COP1: variants seen among roughly 807,000 people sequenced by gnomAD.
The protein encoded by COP1 is COP1 E3 ubiquitin ligase.
COP1 carries 24 observed loss-of-function variants against 101.3 expected under a neutral mutation model. The observed-to-expected ratio is 0.24, with a 90% CI of 0.17 to 0.33. The LOEUF is 0.33. Ranked by LOEUF, COP1 falls within the 10% of genes least tolerant of loss-of-function variation. The pLI, the probability that COP1 is intolerant of heterozygous loss-of-function variation, is 1.00. For missense variants in COP1, 663 were observed against 906.2 expected (o/e 0.73, Z 3.45); for synonymous variants, 347 against 341.9 (o/e 1.01, Z -0.17).
chr1:176,114,223 T>C (rs1278595000), intron 9 of COP1, among the ~76,000 whole-genome samples: 3 of 152,324 alleles, frequency 2.0e-5, no homozygotes, highest in East Asian at 1.9e-4. Context: ...TATTCCATTA[T>C]GTCTTACAAA....
intron 7 of COP1, among the ~76,000 whole-genome samples, chr1:176,136,147 T>C (rs1572453890): frequency 6.6e-6 from 1 of 151,938 alleles, no homozygotes; most frequent in Non-Finnish European, 1.5e-5. Flanking sequence ...ATGCACAGAG[T>C]AGGTATGTAA....
chr1:176,117,809 C>T (rs1686460062), intron 8 of COP1, among the ~76,000 whole-genome samples: 1 of 152,100 alleles, frequency 6.6e-6, no homozygotes, highest in African/African-American at 2.4e-5. Flanking sequence ...GCAGGAGAAT[C>T]ACTTGAACTT....
At chr1:176,032,214 A>G (rs1328233929) in intron 14 of COP1, among the ~76,000 whole-genome samples, 1 of 152,202 alleles carries the variant, frequency 6.6e-6, no homozygotes, top group Non-Finnish European at 1.5e-5. Flanking sequence ...AGTTACCCAT[A>G]TGAGTAAAAA....
intron 2 of COP1, among the ~76,000 whole-genome samples, chr1:176,184,273 C>G (rs1698170044): frequency 6.6e-6 from 1 of 152,114 alleles, no homozygotes; most frequent in African/African-American, 2.4e-5. Flanking sequence ...CCTTCTTAGC[C>G]TGCTTCACTG....
In COP1 at chr1:176,182,137, C is replaced by T. The variant is rs535024200; in HGVS notation, c.467+2496G>A. 5.9e-5 allele frequency among the ~76,000 whole-genome samples: 9 copies of T among 152,108 alleles called. No homozygotes were observed. The East Asian group carries it at 1.7e-3, about 29-fold the overall frequency. On this transcript the variant is annotated intron_variant, in intron 2 of 19. Coordinates refer to ENST00000367669, the MANE Select transcript of COP1 (RefSeq NM_022457.7). ...GATGCAGGGCCTTTTTTAAAAAATG[C>T]CACAATGGATATGTAAGTTACAGGA... is the stretch of plus-strand genomic sequence containing the variant.
Position 176,177,780 on chromosome 1 carries a change from A to G in COP1, c.468-1773T>C, listed in dbSNP as rs186119347. ...CCCCTCCACCTTAACAAAATACAAA[A>G]TAAAACAAACAAAAAAATAAAAACC... On this transcript the variant is annotated intron_variant, in intron 2 of 19. Transcript: ENST00000367669. Among the ~76,000 whole-genome samples the G allele has an allele frequency of 6.7e-3, 1,015 of 151,726 alleles. 9 individuals are homozygous for G. Among genetic ancestry groups the G allele is most frequent in the African/African-American group, 0.023 (963 of 41,530 alleles).
At chr1:175,977,318 G>T (rs761963274) in intron 18 of COP1, among the ~76,000 whole-genome samples, 7 of 151,932 alleles carry the variant, frequency 4.6e-5, no homozygotes, top group African/African-American at 1.7e-4. Flanking sequence ...TTCAAATAAA[G>T]AATATATATT....
intron 15 of COP1, among the ~76,000 whole-genome samples, chr1:176,022,479 G>T (rs1308497274): frequency 1.3e-5 from 2 of 152,150 alleles, no homozygotes; most frequent in Non-Finnish European, 2.9e-5. Flanking sequence ...GTATGATTCT[G>T]TATCGCTCTC....
rs371239372 is a variant in COP1, at chr1:176,096,127, G to T, written c.1027-10237C>A. 7.9e-5 allele frequency among the ~76,000 whole-genome samples: 12 copies of T among 152,280 alleles called. No individual in the cohort carries two copies. The East Asian group carries it at 2.1e-3, about 27-fold the overall frequency. ...AATCTTTCCTAGTTGTGTGACAAGA[G>T]CCTGGTTTTAGCTGAACTAAGGAGA... On this transcript the variant is annotated intron_variant, in intron 9 of 19. Coordinates refer to ENST00000367669, the MANE Select transcript of COP1 (RefSeq NM_022457.7).
At chr1:176,056,407 T>A (rs1673494991) in intron 11 of COP1, among the ~76,000 whole-genome samples, 1 of 150,246 alleles carries the variant, frequency 6.7e-6, no homozygotes, top group Non-Finnish European at 1.5e-5. Flanking sequence ...ACTAAATGTG[T>A]TTATTTTGTC....
At chr1:176,063,049 T>TA (rs965514790) in intron 11 of COP1, among the ~76,000 whole-genome samples, 3 of 131,536 alleles carry the variant, frequency 2.3e-5, no homozygotes, top group Non-Finnish European at 3.3e-5. Context: ...TTGAAAATGT[T>TA]TTTTTTTTTT....
At chr1:176,164,068 G>A (rs1694736427) in intron 3 of COP1, among the ~76,000 whole-genome samples, 177 bp from the exon 4 acceptor site, 1 of 152,152 alleles carries the variant, frequency 6.6e-6, no homozygotes, top group African/African-American at 2.4e-5. Context: ...CAGTTTTGCT[G>A]CAGCTGCTAC....
At position 176,163,825 on chromosome 1, in the gene COP1, A is replaced by G. The variant is rs1694709373; in HGVS notation, c.632T>C (p.Val211Ala). The G allele has an allele frequency of 1.3e-6, 2 of 1,598,524 alleles. No homozygotes were observed. Among genetic ancestry groups the G allele is most frequent in the East Asian group, 4.5e-5 (2 of 44,662 alleles). Reference protein sequence around the residue: ...EEKRFKLDHSVSSTNGHRWQI... With the variant: ...EEKRFKLDHSASSTNGHRWQI... ...AGAGTTGAAACATACGGTGCTACTC[A>G]CTGAGTGGTCCAATTTGAACCTCTT... The change falls in exon 4 of 20, where the codon GTG becomes GCG. Residue 211 changes from valine to alanine, a missense_variant. Coordinates refer to ENST00000367669, the MANE Select transcript of COP1 (RefSeq NM_022457.7).
chr1:176,044,898 G>A (rs1405135961), intron 12 of COP1, among the ~76,000 whole-genome samples: 3 of 152,054 alleles, frequency 2.0e-5, no homozygotes, highest in South Asian at 2.1e-4. Flanking sequence ...TCTAATCCAC[G>A]TTTTCATTAT....
chr1:176,028,437 GGCCTGTA>G lies in COP1; in HGVS notation c.1613-756_1613-750del, dbSNP rs1668060429. Among the ~76,000 whole-genome samples, 3 of 150,536 alleles carry G rather than the reference GGCCTGTA, an allele frequency of 2.0e-5. No homozygotes were observed. The South Asian group carries it at 6.3e-4, about 32-fold the overall frequency. On this transcript the variant is annotated intron_variant, in intron 14 of 19. Coordinates refer to ENST00000367669, the MANE Select transcript of COP1 (RefSeq NM_022457.7). ...AAAGTTAGCTGGGCATGGTGGTGCA[GGCCTGTA>G]GTCCTGGCTACTCAGGAAGCTGAGG...
chr1:176,100,440 CTTATCATATAT>C (rs1445777638), intron 9 of COP1: 1 of 149,036 alleles, frequency 6.7e-6, no homozygotes, highest in African/African-American at 2.5e-5. Context: ...TATTTCAAGA[CTTATCATATAT>C]TTGTCATTAA....
intron 18 of COP1, among the ~76,000 whole-genome samples, chr1:175,973,533 G>A (rs1380116159): frequency 6.6e-6 from 1 of 152,194 alleles, no homozygotes; most frequent in African/African-American, 2.4e-5. Context: ...TGTTTACAAA[G>A]TGGTGGAAAG....
At chr1:176,050,618 G>A (rs1170087015) in intron 11 of COP1, among the ~76,000 whole-genome samples, 1 of 152,156 alleles carries the variant, frequency 6.6e-6, no homozygotes, top group African/African-American at 2.4e-5. Flanking sequence ...AACGAAAAGT[G>A]ATGAGCAGAT....
chr1:175,975,561 C>A (rs1365658611), intron 18 of COP1, among the ~76,000 whole-genome samples: 1 of 152,064 alleles, frequency 6.6e-6, no homozygotes, highest in Non-Finnish European at 1.5e-5. Flanking sequence ...AAGCATGCGC[C>A]AATATGCCAG....
Sources: allele counts gnomAD v4.1 joint callset (sites outside exome capture counted in the v4.1 genomes callset), GRCh38; gene constraint gnomAD v4.1.1; transcripts MANE v1.5; gene names NCBI Gene and HGNC (gene_info 2026-07-23, HGNC 2026-07-21).